The following ADAM22 variants were observed in gnomAD, a reference collection of about 807,000 sequenced individuals.
The protein encoded by ADAM22 is disintegrin and metalloproteinase domain-containing protein 22.
A neutral mutation model predicts 144.6 loss-of-function variants in ADAM22; 65 were observed. The ratio of observed to expected loss-of-function variants is 0.45; its 90% CI spans 0.37 to 0.55. ADAM22 has a LOEUF of 0.55. Among genes scored for constraint, ADAM22 ranks in the 20% least tolerant of loss-of-function variants. ADAM22 has a pLI of 0.00. For synonymous variants in ADAM22, 391 were observed against 412.6 expected, an observed-to-expected ratio of 0.95 and a Z score of 0.63; for missense variants, 974 against 1,184.9, an observed-to-expected ratio of 0.82 and a Z score of 2.61.
At chr7:87,942,181 G>A (rs2131267943) in intron 2 of ADAM22, among the ~76,000 whole-genome samples, 1 of 152,276 alleles carries the variant, frequency 6.6e-6, no homozygotes, top group East Asian at 1.9e-4. Context: ...TGGTGAGAAG[G>A]TGGAAGGAAA....
chr7:88,007,630 G>T (rs1181128484), intron 3 of ADAM22, among the ~76,000 whole-genome samples: 1 of 152,040 alleles, frequency 6.6e-6, no homozygotes, highest in African/African-American at 2.4e-5. Context: ...ACAAACCTGA[G>T]AAAAACCAGC....
chr7:88,108,384 G>T, intron 5 of ADAM22, 126 bp downstream of exon 5: 2 of 754,340 alleles, frequency 2.7e-6, no homozygotes, highest in Non-Finnish European at 4.1e-6. Flanking sequence ...TGATGGATCT[G>T]ATTTTTTTTT....
chr7:88,113,703 A>AATATGTATAT (rs1554478729), intron 5 of ADAM22, among the ~76,000 whole-genome samples: 1 of 48,104 alleles, frequency 2.1e-5, no homozygotes, highest in African/African-American at 8.0e-5. Flanking sequence ...TAAATAAATA[A>AATATGTATAT]ATATATATAT....
chr7:88,176,857 C>T (rs766139282), intron 26 of ADAM22, among the ~76,000 whole-genome samples: 1 of 152,110 alleles, frequency 6.6e-6, no homozygotes, highest in South Asian at 2.1e-4. Flanking sequence ...CTCTGCCTCC[C>T]AAGTTCAAGC....
intron 2 of ADAM22, among the ~76,000 whole-genome samples, chr7:87,967,114 G>T (rs1025078835): frequency 6.6e-6 from 1 of 152,086 alleles, no homozygotes; most frequent in African/African-American, 2.4e-5. Flanking sequence ...TTCCCCTTCT[G>T]CCATGACTGT....
chr7:88,004,008 T>C (rs975348596), intron 3 of ADAM22, among the ~76,000 whole-genome samples: 1 of 152,152 alleles, frequency 6.6e-6, no homozygotes, highest in Non-Finnish European at 1.5e-5. Flanking sequence ...AAGAAAGATA[T>C]TTAAAAAGAC....
At chr7:88,161,668 T>C (rs1399726084) in intron 22 of ADAM22, among the ~76,000 whole-genome samples, 2 of 152,124 alleles carry the variant, frequency 1.3e-5, no homozygotes, top group Admixed American at 1.3e-4. Context: ...CAGACACTTT[T>C]CAAAAGAAGA....
rs1847141707 is a variant in ADAM22 at position 88,181,938 on chromosome 7, C to T, written c.2597-20C>T. ...ATCACTTATTTACATGGAAATCTAG[C>T]TCTAAACCGTCTTTTTCAGGTAACC... is the stretch of plus-strand genomic sequence containing the variant. On this transcript the variant is annotated intron_variant, in intron 28 of 31. Coordinates refer to ENST00000413139, the MANE Select transcript of ADAM22 (RefSeq NM_001324418.2). The T allele has an allele frequency of 6.2e-7, 1 of 1,609,262 alleles. No homozygotes were observed. Among genetic ancestry groups the T allele is most frequent in the Non-Finnish European group, 8.5e-7 (1 of 1,177,210 alleles).
In ADAM22 at chr7:88,193,163, C is replaced by G; in HGVS notation, c.2798C>G (p.Ala933Gly). The G allele has an allele frequency of 6.2e-7, 1 of 1,614,076 alleles. No homozygotes were observed. Among genetic ancestry groups the G allele is most frequent in the Non-Finnish European group, 8.5e-7 (1 of 1,179,960 alleles). ...CCTTCTTCATCAACTGGGTCTATTGCCTCCAGCAGAAAATACCCTTACCCA... is the reference window on the plus strand; with the variant it reads ...CCTTCTTCATCAACTGGGTCTATTGGCTCCAGCAGAAAATACCCTTACCCA... The part of the protein sequence containing the change: ...KSPSSSTGSI[A>G]SSRKYPYPMP... Residue 933 changes from alanine (A) to glycine (G), a missense_variant, in exon 31 of 32, where the codon GCC becomes GGC. Physicochemically the swap from Ala to Gly is moderately conservative, Grantham distance 60 (BLOSUM62 0). This residue lies in a region of ADAM22 where 734 missense variants were observed against 950.6 expected (regional missense o/e 0.77). Transcript: ENST00000413139.
Position 88,198,034 on chromosome 7 carries a change from G to C in ADAM22, c.*1543G>C, listed in dbSNP as rs1219775497. The C allele has an allele frequency of 1.3e-5, 2 of 152,162 alleles. No individual in the cohort carries two copies. Among genetic ancestry groups the C allele is most frequent in the Non-Finnish European group, 2.9e-5 (2 of 68,032 alleles). The allele number at this position is 152,162 out of a possible 1,614,324, so 9.4% of individuals were successfully genotyped here. ...AAAGAAAGCTAGCTACCCTAGTGAG[G>C]CTGGAGATTGATGGGCTCAATCACA... On this transcript the variant is annotated 3_prime_UTR_variant, in exon 32 of 32. Transcript: ENST00000413139.
At chr7:87,974,770 A>T (rs55697820) in intron 2 of ADAM22, among the ~76,000 whole-genome samples, 7,904 of 152,232 alleles carry the variant, frequency 0.052, 510 homozygotes, top group East Asian at 0.17. Context: ...TCTTACAAGG[A>T]TAAGATGAAG....
chr7:88,183,280 G>A (rs1225652938), intron 29 of ADAM22, among the ~76,000 whole-genome samples: 1 of 152,070 alleles, frequency 6.6e-6, no homozygotes, highest in Non-Finnish European at 1.5e-5. Flanking sequence ...GGTTTGTTTT[G>A]CATGAGGTCA....
intron 2 of ADAM22, among the ~76,000 whole-genome samples, chr7:87,974,503 G>A (rs1414040219): frequency 6.6e-6 from 1 of 152,218 alleles, no homozygotes; most frequent in East Asian, 1.9e-4. Context: ...TGTGTTTTGG[G>A]TTTGATCCTT....
At chr7:87,935,276 GTCT>G in intron 2 of ADAM22, 90 bp downstream of exon 2, 2 of 1,378,212 alleles carry the variant, frequency 1.5e-6, no homozygotes, top group Non-Finnish European at 1.9e-6. Flanking sequence ...GAGATCCCAT[GTCT>G]TCTTGGGTGA....
chr7:88,140,212 C>G (rs1022039407), intron 14 of ADAM22, among the ~76,000 whole-genome samples: 1 of 152,068 alleles, frequency 6.6e-6, no homozygotes, highest in Non-Finnish European at 1.5e-5. Context: ...ACCCCACTCT[C>G]AACATTGGGG....
chr7:88,109,712 T>A (rs1825491131), intron 5 of ADAM22, among the ~76,000 whole-genome samples: 1 of 151,552 alleles, frequency 6.6e-6, no homozygotes, highest in Non-Finnish European at 1.5e-5. Flanking sequence ...ATATTTGCTT[T>A]TTTTTTGAGA....
chr7:87,966,981 A>C (rs183048808), intron 2 of ADAM22, among the ~76,000 whole-genome samples: 2 of 151,992 alleles, frequency 1.3e-5, no homozygotes, highest in East Asian at 3.9e-4. Flanking sequence ...GGGGATGGTT[A>C]CCTCCATGCT....
rs1479396364 is a variant in ADAM22, at chr7:88,116,051, T to A, written c.538-694T>A. On this transcript the variant is annotated intron_variant, in intron 6 of 31. Coordinates refer to ENST00000413139, the MANE Select transcript of ADAM22 (RefSeq NM_001324418.2). ...CTTTGTCACCCATAAACCATCTTGT[T>A]TGGGAAATTCTCTGTATTGTGTATT... is the stretch of plus-strand genomic sequence containing the variant. 6.6e-5 allele frequency among the ~76,000 whole-genome samples: 10 copies of A among 152,292 alleles called. No individual in the cohort carries two copies. In the East Asian group the frequency reaches 1.7e-3, roughly 26 times the overall value.
chr7:88,092,470 A>C (rs959023018), intron 4 of ADAM22, among the ~76,000 whole-genome samples: 83 of 152,296 alleles, frequency 5.4e-4, no homozygotes, highest in African/African-American at 1.8e-3. Context: ...TATGTTTCCT[A>C]ACTTTACTTT....
Sources: gnomAD v4.1 joint callset for allele counts (sites outside exome capture counted in the v4.1 genomes callset) on GRCh38, gnomAD v4.1.1 for gene constraint, gnomAD v4.1.1 regional missense constraint, MANE v1.5 for transcripts, NCBI Gene and HGNC (gene_info 2026-07-23, HGNC 2026-07-21) for gene names.